ARL15: variants seen among roughly 807,000 people sequenced by gnomAD.
ARL15 encodes the protein ADP-ribosylation factor-like protein 15.
Under a neutral mutation model 25.2 loss-of-function variants are expected in ARL15, and 19 were observed. The observed-to-expected ratio is 0.75, with a 90% CI of 0.53 to 1.10. The LOEUF (loss-of-function observed/expected upper bound fraction) is 1.10. ARL15 is among the 50% of genes least tolerant of loss of function. The pLI, the probability that ARL15 is intolerant of heterozygous loss-of-function variation, is 0.00. For missense variants in ARL15, 220 were observed against 246.0 expected (o/e 0.89, Z 0.71); for synonymous variants, 94 against 86.8 (o/e 1.08, Z -0.46).
intron 3 of ARL15, among the ~76,000 whole-genome samples, chr5:54,140,001 C>T (rs1269176383): frequency 1.3e-5 from 2 of 152,146 alleles, no homozygotes; most frequent in South Asian, 2.1e-4. Context: ...GAGATAATTT[C>T]GCCCTACAAC....
intron 2 of ARL15, among the ~76,000 whole-genome samples, chr5:54,164,573 C>T (rs1561249386): frequency 6.6e-6 from 1 of 152,012 alleles, no homozygotes; most frequent in Non-Finnish European, 1.5e-5. Flanking sequence ...AGAATTATTA[C>T]AGTCTCCTGA....
At chr5:53,917,234 A>G (rs1438483728) in intron 4 of ARL15, among the ~76,000 whole-genome samples, 1 of 152,228 alleles carries the variant, frequency 6.6e-6, no homozygotes, top group African/African-American at 2.4e-5. Context: ...TGTGTCTCTG[A>G]TATCACTTCA....
chr5:54,120,092 A>G (rs975498866), intron 3 of ARL15, among the ~76,000 whole-genome samples: 2 of 152,192 alleles, frequency 1.3e-5, no homozygotes, highest in Admixed American at 1.3e-4. Flanking sequence ...GTTTTTAAAG[A>G]ATTAATCTTT....
chr5:54,013,911 T>C lies in ARL15; in HGVS notation c.462+99291A>G, dbSNP rs181525291. ...CCTCTGAGGAGACAGACTTGAGTAA[T>C]AACTCCCATCCTTCCACTAGGCTGC... On this transcript the variant is annotated intron_variant, in intron 4 of 4. Coordinates refer to ENST00000504924, the MANE Select transcript of ARL15 (RefSeq NM_019087.3). Among the ~76,000 whole-genome samples, 824 of 151,334 alleles carry C rather than the reference T, an allele frequency of 5.4e-3. 4 individuals carry two copies. Among genetic ancestry groups the C allele is most frequent in the Admixed American group, 0.011 (169 of 15,226 alleles).
At chr5:54,012,223 T>A (rs559149210) in intron 4 of ARL15, among the ~76,000 whole-genome samples, 114 of 152,294 alleles carry the variant, frequency 7.5e-4, no homozygotes, top group Non-Finnish European at 1.4e-3. Flanking sequence ...CTGAAAGAGA[T>A]GAGAGAAGAT....
intron 4 of ARL15, among the ~76,000 whole-genome samples, chr5:54,079,144 T>C (rs1444915788): frequency 2.0e-5 from 3 of 152,242 alleles, no homozygotes; most frequent in Non-Finnish European, 4.4e-5. Context: ...GATGCTGGAA[T>C]AGTCATACAT....
intron 4 of ARL15, among the ~76,000 whole-genome samples, chr5:53,967,423 G>T (rs1747600687): frequency 6.6e-6 from 1 of 152,212 alleles, no homozygotes; most frequent in Admixed American, 6.5e-5. Context: ...AATGAAGATG[G>T]AGAGAAAAGT....
At chr5:53,928,020 A>G (rs1281986539) in intron 4 of ARL15, among the ~76,000 whole-genome samples, 2 of 152,210 alleles carry the variant, frequency 1.3e-5, no homozygotes, top group Non-Finnish European at 2.9e-5. Flanking sequence ...TATTTAGCTC[A>G]GTGCCTGGCA....
intron 4 of ARL15, among the ~76,000 whole-genome samples, chr5:53,942,835 G>A (rs1264746082): frequency 2.0e-5 from 3 of 152,094 alleles, no homozygotes; most frequent in Non-Finnish European, 4.4e-5. Flanking sequence ...AAAACAAAAT[G>A]AGGCCCGCAT....
chr5:53,886,510 C>G lies in ARL15; in HGVS notation c.*51G>C, dbSNP rs146946321. On this transcript the variant is annotated 3_prime_UTR_variant, in exon 5 of 5. Coordinates refer to ENST00000504924, the MANE Select transcript of ARL15 (RefSeq NM_019087.3). Reference sequence around the variant, plus strand: ...ACCAAAATAAAATTAAAATGAGAAACTAACATGATAGGTTCAAGGCCTTTT... The same window carrying G: ...ACCAAAATAAAATTAAAATGAGAAAGTAACATGATAGGTTCAAGGCCTTTT... 165 of 1,505,146 alleles carry G rather than the reference C, an allele frequency of 1.1e-4. No individual in the cohort carries two copies. In the African/African-American group the frequency reaches 2.2e-3, roughly 20 times the overall value. 93.2% of individuals were successfully genotyped at this position (1,505,146 alleles called of 1,614,324 possible). A position where few individuals can be genotyped will look rare whatever the true frequency, so the allele number is the denominator to read the frequency against.
At chr5:54,068,925 G>T (rs368391411) in intron 4 of ARL15, among the ~76,000 whole-genome samples, 1 of 152,190 alleles carries the variant, frequency 6.6e-6, no homozygotes, top group South Asian at 2.1e-4. Flanking sequence ...AATAATGCCA[G>T]TTGAGAGCTA....
chr5:54,029,757 G>A (rs1310168284), intron 4 of ARL15, among the ~76,000 whole-genome samples: 3 of 152,102 alleles, frequency 2.0e-5, no homozygotes, highest in Admixed American at 6.6e-5. Flanking sequence ...ACTTCGGGAG[G>A]CTGAGGCGGG....
At chr5:53,891,866 C>T (rs1433908787) in intron 4 of ARL15, among the ~76,000 whole-genome samples, 2 of 152,168 alleles carry the variant, frequency 1.3e-5, no homozygotes, top group Non-Finnish European at 2.9e-5. Context: ...GAGAAGGCAG[C>T]TCGGGTGCCA....
intron 3 of ARL15, among the ~76,000 whole-genome samples, chr5:54,134,319 GGAAA>G (rs775094804): frequency 6.6e-6 from 1 of 152,076 alleles, no homozygotes; most frequent in South Asian, 2.1e-4. Flanking sequence ...AGTATCCTTG[GGAAA>G]GAAAGAAAGA....
intron 3 of ARL15, among the ~76,000 whole-genome samples, chr5:54,131,171 T>C (rs923602234): frequency 1.3e-5 from 2 of 152,212 alleles, no homozygotes; most frequent in African/African-American, 4.8e-5. Context: ...ATTATCATTT[T>C]CAATGTTTGA....
intron 1 of ARL15, among the ~76,000 whole-genome samples, chr5:54,288,605 T>C (rs1758242841): frequency 6.6e-6 from 1 of 152,228 alleles, no homozygotes; most frequent in Admixed American, 6.5e-5. Context: ...TCAATCATTA[T>C]GAGCAAGTGC....
intron 4 of ARL15, among the ~76,000 whole-genome samples, chr5:53,891,600 T>G (rs1373092104): frequency 1.3e-5 from 2 of 152,178 alleles, no homozygotes; most frequent in South Asian, 4.1e-4. Context: ...AGCTTATTTT[T>G]TCTGCATAGT....
intron 4 of ARL15, among the ~76,000 whole-genome samples, chr5:53,914,749 G>A (rs1364485268): frequency 6.6e-6 from 1 of 152,084 alleles, no homozygotes; most frequent in Non-Finnish European, 1.5e-5. Context: ...ATAGACAAAG[G>A]AATCTTTTCT....
At chr5:54,062,455 G>T (rs1751097708) in intron 4 of ARL15, among the ~76,000 whole-genome samples, 1 of 151,172 alleles carries the variant, frequency 6.6e-6, no homozygotes, top group Admixed American at 6.6e-5. Flanking sequence ...AATTATGAAG[G>T]CCAGTCTTTC....
Sources: gnomAD v4.1 joint callset for allele counts (sites outside exome capture counted in the v4.1 genomes callset) on GRCh38, gnomAD v4.1.1 for gene constraint, MANE v1.5 for transcripts, NCBI Gene and HGNC (gene_info 2026-07-23, HGNC 2026-07-21) for gene names.